The following GCNT1 variants were observed in gnomAD, a reference collection of about 807,000 sequenced individuals.
The protein encoded by GCNT1 is glucosaminyl (N-acetyl) transferase 1.
A neutral mutation model predicts 26.2 loss-of-function variants in GCNT1; 16 were observed. The observed-to-expected ratio is 0.61, with a 90% confidence interval of 0.41 to 0.93. The LOEUF (loss-of-function observed/expected upper bound fraction) is 0.93, where lower values mean the gene tolerates loss of function less well. Ranked by LOEUF, GCNT1 falls within the 40% of genes least tolerant of loss-of-function variation. GCNT1 has a pLI of 0.00. For synonymous variants in GCNT1, 183 were observed against 190.8 expected (o/e 0.96, Z 0.34); for missense variants, 477 against 526.7 (o/e 0.91, Z 0.92).
the GCNT1 span, chr9:76,394,420 A>T: frequency 2.4e-6 from 1 of 417,582 alleles, no homozygotes; most frequent in Non-Finnish European, 4.2e-6. Context: ...AGACAGCCGA[A>T]GTAAGTGCCG....
chr9:76,464,850 C>T (rs183289463), intron 2 of GCNT1, among the ~76,000 whole-genome samples: 4 of 152,320 alleles, frequency 2.6e-5, no homozygotes, highest in Non-Finnish European at 4.4e-5. Flanking sequence ...ATAGCACTTC[C>T]TACATTCTTC....
At chr9:76,400,120 G>A in the GCNT1 span, among the ~76,000 whole-genome samples, 28 of 152,266 alleles carry the variant, frequency 1.8e-4, no homozygotes, top group Middle Eastern at 6.8e-3. Context: ...GATTTTTAGG[G>A]CAGTGAAACT....
chr9:76,405,300 C>T, the GCNT1 span, among the ~76,000 whole-genome samples: 1 of 151,690 alleles, frequency 6.6e-6, no homozygotes, highest in African/African-American at 2.4e-5. Flanking sequence ...CACACACACA[C>T]ACACACACAC....
At chr9:76,410,400 C>T in the GCNT1 span, among the ~76,000 whole-genome samples, 3 of 152,182 alleles carry the variant, frequency 2.0e-5, no homozygotes, top group East Asian at 5.8e-4. Flanking sequence ...CCATTACATT[C>T]CAGTCTGGGT....
At chr9:76,498,809 A>C (rs1824981748) in intron 2 of GCNT1, among the ~76,000 whole-genome samples, 1 of 151,808 alleles carries the variant, frequency 6.6e-6, no homozygotes, top group African/African-American at 2.4e-5. Context: ...GTGTATACAC[A>C]CACACTGTCA....
At chr9:76,412,539 AT>A in the GCNT1 span, among the ~76,000 whole-genome samples, 1 of 152,198 alleles carries the variant, frequency 6.6e-6, no homozygotes, top group South Asian at 2.1e-4. Context: ...AGGATACACA[AT>A]TCTAGTTGGG....
Position 76,467,897 on chromosome 9 carries a change from G to GTTTTTTTTT in GCNT1, c.-290+7741_-290+7749dup, listed in dbSNP as rs35387152. The stretch of plus-strand genomic sequence containing the variant: ...GAATGCCAGTGGTCCCTCTTTCAGT[G>GTTTTTTTTT]TTTTTTTTTTTTTTTTTTTTTTTTT... On this transcript the variant is annotated intron_variant, in intron 2 of 3. Coordinates refer to ENST00000376730, the MANE Select transcript of GCNT1 (RefSeq NM_001490.5). Among the ~76,000 whole-genome samples, 5 of 59,094 alleles carry GTTTTTTTTT rather than the reference G, an allele frequency of 8.5e-5. 1 individual carries two copies. The highest frequency in any genetic ancestry group is 2.3e-4 in the Admixed American group (1 of 4,334). The allele number at this position is 59,094 out of a possible 152,430, so 38.8% of individuals were successfully genotyped here.
chr9:76,475,698 C>T (rs771884512), intron 2 of GCNT1, among the ~76,000 whole-genome samples: 17 of 152,072 alleles, frequency 1.1e-4, no homozygotes, highest in Admixed American at 1.3e-4. Flanking sequence ...TGAGAGACGA[C>T]GATAATTCCT....
At chr9:76,489,630 A>G (rs1564243323) in intron 2 of GCNT1, among the ~76,000 whole-genome samples, 2 of 152,124 alleles carry the variant, frequency 1.3e-5, no homozygotes, top group South Asian at 2.1e-4. Context: ...TGCATTTACA[A>G]TCCTCTAGCT....
At chr9:76,478,198 CTTGG>C (rs1824305577) in intron 2 of GCNT1, among the ~76,000 whole-genome samples, 2 of 152,202 alleles carry the variant, frequency 1.3e-5, no homozygotes, top group Admixed American at 1.3e-4. Context: ...GTAGTGGAAA[CTTGG>C]TTCTTTTGCT....
chr9:76,443,090 A>G (rs1823505465), intron 1 of GCNT1, among the ~76,000 whole-genome samples: 1 of 152,056 alleles, frequency 6.6e-6, no homozygotes, highest in African/African-American at 2.4e-5. Flanking sequence ...GGCCAGGTTC[A>G]ATGGCTCACA....
the GCNT1 span, among the ~76,000 whole-genome samples, chr9:76,396,807 C>T: frequency 6.6e-6 from 1 of 152,210 alleles, no homozygotes; most frequent in African/African-American, 2.4e-5. Flanking sequence ...CCACTGCACT[C>T]CATATGGGGC....
chr9:76,431,546 T>C (rs1178790593), intron 1 of GCNT1, among the ~76,000 whole-genome samples: 1 of 152,210 alleles, frequency 6.6e-6, no homozygotes, highest in Non-Finnish European at 1.5e-5. Context: ...ATCAATGTGT[T>C]CACCAACCCG....
chr9:76,458,944 C>T (rs1266098733), upstream of GCNT1, among the ~76,000 whole-genome samples: 1 of 152,244 alleles, frequency 6.6e-6, no homozygotes, highest in African/African-American at 2.4e-5. Context: ...TTTAAAAAGA[C>T]GCCGCTCACA....
chr9:76,459,989 C>G (rs1823836640), intron 1 of GCNT1, 71 bp from the exon 2 acceptor site: 1 of 152,214 alleles, frequency 6.6e-6, no homozygotes, highest in Non-Finnish European at 1.5e-5. Flanking sequence ...CAGGCAGATT[C>G]CTCCAAGTTT....
the GCNT1 span, among the ~76,000 whole-genome samples, chr9:76,397,214 G>A: frequency 2.0e-5 from 3 of 152,052 alleles, no homozygotes; most frequent in East Asian, 1.9e-4. Context: ...CCCAGGAGGC[G>A]GAGGTTGCTA....
rs140230945 is a variant in GCNT1 at position 76,481,107 on chromosome 9, G to A, written c.-289-19809G>A. Among the ~76,000 whole-genome samples the A allele has an allele frequency of 2.6e-3, 396 of 152,182 alleles. 2 individuals are homozygous for A. The highest frequency in any genetic ancestry group is 8.7e-3 in the African/African-American group (363 of 41,526). ...TACAAAAATTAGCCAGATTGGTGGC[G>A]TGTGCCTGTAATCCCAGCTACTCAG... On this transcript the variant is annotated intron_variant, in intron 2 of 3. Coordinates refer to ENST00000376730, the MANE Select transcript of GCNT1 (RefSeq NM_001490.5).
intron 1 of GCNT1, among the ~76,000 whole-genome samples, chr9:76,442,622 A>C (rs1359909294): frequency 6.6e-6 from 1 of 152,204 alleles, no homozygotes; most frequent in Non-Finnish European, 1.5e-5. Context: ...CAGAGGTTGC[A>C]GTGAGCCAAG....
chr9:76,424,013 C>A (rs544769707), intron 1 of GCNT1, among the ~76,000 whole-genome samples: 2 of 152,248 alleles, frequency 1.3e-5, no homozygotes, highest in South Asian at 4.1e-4. Context: ...CTAGAGATTA[C>A]AAAGAATGGT....
Sources: allele counts gnomAD v4.1 joint callset (sites outside exome capture counted in the v4.1 genomes callset), GRCh38; gene constraint gnomAD v4.1.1; transcripts MANE v1.5; gene names NCBI Gene and HGNC (gene_info 2026-07-23, HGNC 2026-07-21).